C10orf67: variants seen among roughly 807,000 people sequenced by gnomAD.
C10orf67 encodes the protein chromosome 10 open reading frame 67, also known as uncharacterized protein C10orf67, mitochondrial.
In C10orf67, 60 loss-of-function variants were observed where a neutral mutation model predicts 35.6. The observed-to-expected ratio is 1.68, with a 90% confidence interval of 1.37 to 2.09. The LOEUF is 2.09. C10orf67 is among the 30% of genes most tolerant of loss of function. The pLI is 0.00. For missense variants in C10orf67, 474 were observed against 330.2 expected, an observed-to-expected ratio of 1.44 and a Z score of -3.38; for synonymous variants, 167 against 115.8, an observed-to-expected ratio of 1.44 and a Z score of -2.84.
Position 23,203,750 on chromosome 10 carries a change from T to A in C10orf67, c.*423A>T, listed in dbSNP as rs1291652762. ...CTGTAGTCTTCATGACCTACCTTCA[T>A]GGGGACTAGTTATTGGGTGAGGAGA... On this transcript the variant is annotated 3_prime_UTR_variant, in exon 16 of 16. Transcript: ENST00000636213. 6.5e-6 allele frequency: 1 copy of A among 153,912 alleles called. No homozygotes were observed. The highest frequency in any genetic ancestry group is 2.4e-5 in the African/African-American group (1 of 41,558). The allele number at this position is 153,912 out of a possible 1,614,324, so 9.5% of individuals were successfully genotyped here.
At chr10:23,225,058 A>T (rs982188226) in intron 13 of C10orf67, among the ~76,000 whole-genome samples, 1 of 152,182 alleles carries the variant, frequency 6.6e-6, no homozygotes, top group African/African-American at 2.4e-5. Flanking sequence ...ACTCCAAGAC[A>T]CATAATAGTC....
intron 10 of C10orf67, 89 bp from the exon 11 acceptor site, chr10:23,250,780 G>C: frequency 2.5e-6 from 1 of 396,796 alleles, no homozygotes; most frequent in East Asian, 3.6e-5. Flanking sequence ...TCTATAAATA[G>C]TATGCATACT....
At chr10:23,261,917 T>C (rs1223753152) in intron 10 of C10orf67, among the ~76,000 whole-genome samples, 1 of 152,192 alleles carries the variant, frequency 6.6e-6, no homozygotes, top group Non-Finnish European at 1.5e-5. Flanking sequence ...CCATCCTTCA[T>C]GAAAATAAGT....
At chr10:23,274,879 G>A (rs894752620) in intron 8 of C10orf67, among the ~76,000 whole-genome samples, 1 of 152,168 alleles carries the variant, frequency 6.6e-6, no homozygotes, top group Non-Finnish European at 1.5e-5. Flanking sequence ...AGAGACTGCA[G>A]TAAAGACAGG....
intron 15 of C10orf67, among the ~76,000 whole-genome samples, chr10:23,222,284 T>A (rs1465712688): frequency 2.0e-5 from 3 of 152,154 alleles, no homozygotes; most frequent in African/African-American, 4.8e-5. Flanking sequence ...GCAAAATGGT[T>A]TTCTTGGCTA....
intron 2 of C10orf67, among the ~76,000 whole-genome samples, chr10:23,331,197 A>ACT (rs1564518867): frequency 3.8e-5 from 1 of 26,492 alleles, no homozygotes; most frequent in Non-Finnish European, 6.0e-5. Context: ...AGGGAAGGGA[A>ACT]GGGAAGGGAA....
At chr10:23,209,103 C>A (rs1841236955) in intron 15 of C10orf67, among the ~76,000 whole-genome samples, 1 of 151,830 alleles carries the variant, frequency 6.6e-6, no homozygotes, top group Non-Finnish European at 1.5e-5. Flanking sequence ...TCATTTGTGA[C>A]CACTAGGTTA....
intron 1 of C10orf67, chr10:23,343,778 C>A: frequency 6.2e-6 from 2 of 323,852 alleles, no homozygotes; most frequent in South Asian, 2.5e-5. Context: ...GACAGTGATC[C>A]CCTCGAAAAA....
chr10:23,300,381 T>C (rs897529198), intron 5 of C10orf67, among the ~76,000 whole-genome samples: 3 of 152,186 alleles, frequency 2.0e-5, no homozygotes, highest in Non-Finnish European at 4.4e-5. Flanking sequence ...GGTGGCCTTT[T>C]TTTATCCCGT....
chr10:23,329,008 AAAAAAG>A (rs1267292203), intron 2 of C10orf67, among the ~76,000 whole-genome samples: 20 of 150,084 alleles, frequency 1.3e-4, no homozygotes, highest in South Asian at 1.3e-3. Context: ...AAAAAAAAAA[AAAAAAG>A]AAAGAAAGAA....
chr10:23,265,634 T>A (rs1460779605), intron 10 of C10orf67, among the ~76,000 whole-genome samples: 2 of 152,226 alleles, frequency 1.3e-5, no homozygotes. Context: ...TACAGGCTCA[T>A]AATGATGGGA....
At chr10:23,284,533 T>A (rs1439546939) in intron 7 of C10orf67, among the ~76,000 whole-genome samples, 3 of 148,168 alleles carry the variant, frequency 2.0e-5, no homozygotes, top group Admixed American at 6.8e-5. Context: ...AAAAAAAAAT[T>A]AAAAAAAAAA....
intron 2 of C10orf67, among the ~76,000 whole-genome samples, chr10:23,323,058 T>C (rs1845019882): frequency 6.6e-6 from 1 of 152,128 alleles, no homozygotes; most frequent in Admixed American, 6.6e-5. Context: ...TGACAATTAA[T>C]TTGCCAAACT....
chr10:23,322,296 C>A, intron 3 of C10orf67, 98 bp downstream of exon 3: 1 of 1,277,950 alleles, frequency 7.8e-7, no homozygotes, highest in Non-Finnish European at 1.1e-6. Context: ...ATGCAAATTA[C>A]ACTGCCCTCA....
chr10:23,258,524 T>C (rs951106682), intron 10 of C10orf67: 6 of 169,552 alleles, frequency 3.5e-5, no homozygotes, highest in Admixed American at 1.7e-4. Context: ...ACTCCTACCA[T>C]GGCCTTCCAG....
At chr10:23,328,613 C>T (rs1845290857) in intron 2 of C10orf67, among the ~76,000 whole-genome samples, 1 of 151,160 alleles carries the variant, frequency 6.6e-6, no homozygotes, top group South Asian at 2.1e-4. Flanking sequence ...TTTATGAAGC[C>T]AATGCAGTTG....
rs185602675 is a variant in C10orf67, at chr10:23,211,733, G to T, written c.1571-7478C>A. On this transcript the variant is annotated intron_variant, in intron 15 of 15. Coordinates refer to ENST00000636213, the MANE Select transcript of C10orf67 (RefSeq NM_001371909.1). ...AAATAAGGTAGAAATCAAATGAAGT[G>T]TCCTTTATCCAGAACATGAAGAGAA... is the stretch of plus-strand genomic sequence containing the variant. Among the ~76,000 whole-genome samples the T allele has an allele frequency of 7.9e-4, 121 of 152,322 alleles. 2 individuals are homozygous for T. Among genetic ancestry groups the T allele is most frequent in the Admixed American group, 3.1e-3 (48 of 15,294 alleles).
chr10:23,320,764 C>T lies in C10orf67; in HGVS notation c.523G>A (p.Ala175Thr). 6.3e-7 allele frequency: 1 copy of T among 1,593,292 alleles called. No individual in the cohort carries two copies. Among genetic ancestry groups the T allele is most frequent in the Non-Finnish European group, 8.6e-7 (1 of 1,169,494 alleles). ...ACCTGGTACATTCCTTTGATAACAGCTATGGCATCAGCTAACTGCTGATTG... is the reference window on the plus strand; with the variant it reads ...ACCTGGTACATTCCTTTGATAACAGTTATGGCATCAGCTAACTGCTGATTG... ...SFNQQLADAI[A>T]VIKGMYQQFF... The change falls in exon 4 of 16, where the codon GCT becomes ACT. Residue 175 changes from alanine (A) to threonine (T), a missense_variant. Coordinates refer to ENST00000636213, the MANE Select transcript of C10orf67 (RefSeq NM_001371909.1).
At chr10:23,339,522 G>A (rs1258273013) in intron 1 of C10orf67, among the ~76,000 whole-genome samples, 1 of 151,210 alleles carries the variant, frequency 6.6e-6, no homozygotes, top group African/African-American at 2.4e-5. Flanking sequence ...AGCAAGTTTC[G>A]CAGCCACTGG....
Sources: gnomAD v4.1 joint callset for allele counts (sites outside exome capture counted in the v4.1 genomes callset) on GRCh38, gnomAD v4.1.1 for gene constraint, MANE v1.5 for transcripts, NCBI Gene and HGNC (gene_info 2026-07-23, HGNC 2026-07-21) for gene names.